The following CCDC14 variants were observed in gnomAD, a reference collection of about 807,000 sequenced individuals.
CCDC14 encodes the protein coiled-coil domain containing 14.
CCDC14 carries 71 observed loss-of-function variants against 81.4 expected under a neutral mutation model. The observed-to-expected ratio is 0.87, with a 90% confidence interval of 0.72 to 1.06. CCDC14 has a LOEUF of 1.06. Among genes scored for constraint, CCDC14 ranks in the 50% least tolerant of loss-of-function variants. CCDC14 has a pLI of 0.00. For synonymous variants in CCDC14, 332 were observed against 364.8 expected, an observed-to-expected ratio of 0.91 and a Z score of 1.03; for missense variants, 1,046 against 1,047.3, an observed-to-expected ratio of 1.00 and a Z score of 0.02.
intron 9 of CCDC14, among the ~76,000 whole-genome samples, chr3:123,941,001 C>T (rs2036319369): frequency 6.6e-6 from 1 of 152,044 alleles, no homozygotes; most frequent in Non-Finnish European, 1.5e-5. Context: ...TGAACATCAT[C>T]CTTGACTCCT....
intron 9 of CCDC14, among the ~76,000 whole-genome samples, chr3:123,942,797 C>G (rs1191774207): frequency 6.6e-6 from 1 of 152,006 alleles, no homozygotes; most frequent in East Asian, 1.9e-4. Flanking sequence ...CTGAAACATT[C>G]AAAGTTAAGA....
chr3:123,918,607 A>G (rs2034849681), intron 12 of CCDC14, among the ~76,000 whole-genome samples: 1 of 152,218 alleles, frequency 6.6e-6, no homozygotes. Flanking sequence ...TAAGTACCAC[A>G]CAGAGAGGAG....
intron 5 of CCDC14, among the ~76,000 whole-genome samples, chr3:123,952,414 A>AATGT (rs948987141): frequency 3.3e-5 from 5 of 152,206 alleles, no homozygotes; most frequent in African/African-American, 1.2e-4. Flanking sequence ...TGAAGACAGC[A>AATGT]ATGTATGTTA....
Position 123,913,848 on chromosome 3 carries a change from T to C in CCDC14, c.*931A>G. On this transcript the variant is annotated 3_prime_UTR_variant, in exon 13 of 13. Transcript: ENST00000409697. Reference sequence around the variant, plus strand: ...CAGCTTCCTAAGAGTTAAAACGTGCTGCTTACATGAAGGGAGATGATACTG... The same window carrying C: ...CAGCTTCCTAAGAGTTAAAACGTGCCGCTTACATGAAGGGAGATGATACTG... 2.0e-6 allele frequency: 2 copies of C among 985,368 alleles called. No homozygotes were observed. The highest frequency in any genetic ancestry group is 2.4e-6 in the Non-Finnish European group (2 of 829,904). 61.0% of individuals were successfully genotyped at this position (985,368 alleles called of 1,614,324 possible).
At chr3:123,897,482 G>T (rs546481523), downstream of CCDC14, 62 of 308,418 alleles carry the variant, frequency 2.0e-4, 1 homozygote, top group Middle Eastern at 2.0e-3. Context: ...GTTGAAGTGG[G>T]TGCTGGGGCC....
Position 123,949,066 on chromosome 3 carries a change from T to G in CCDC14, c.419A>C (p.Asp140Ala). The change falls in exon 6 of 13, where the codon GAC becomes GCC. Residue 140 changes from aspartate (D) to alanine (A), a missense_variant. Coordinates refer to ENST00000409697, the MANE Select transcript of CCDC14 (RefSeq NM_001366335.1). Reference sequence around the variant, plus strand: ...TTGCAATGACCAGTTTTGCTCTAGGTCTGATGTGTCTCTTTCACTTCTAGC... The same window carrying G: ...TTGCAATGACCAGTTTTGCTCTAGGGCTGATGTGTCTCTTTCACTTCTAGC... ...ASARSERDTS[D>A]LEQNWSLQDH... 1 of 1,613,184 alleles carries G rather than the reference T, an allele frequency of 6.2e-7. No homozygotes were observed. Among genetic ancestry groups the G allele is most frequent in the Non-Finnish European group, 8.5e-7 (1 of 1,179,448 alleles).
Position 123,947,260 on chromosome 3 carries a change from G to C in CCDC14, c.744C>G (p.Thr248=). The change falls in exon 8 of 13, where the codon ACC becomes ACG. Residue 248 remains threonine, a synonymous_variant. Coordinates refer to ENST00000409697, the MANE Select transcript of CCDC14 (RefSeq NM_001366335.1). ...FASQGKTVSA[T]CTDVLRNSFN... ...ATGAATTCCGTAGAACATCAGTACA[G>C]GTTGCAGAAACTGTTTTACCTTGTG... 1 of 1,613,752 alleles carries C rather than the reference G, an allele frequency of 6.2e-7. No homozygotes were observed. The highest frequency in any genetic ancestry group is 8.5e-7 in the Non-Finnish European group (1 of 1,179,762).
At chr3:123,938,791 G>T (rs1245919012) in intron 9 of CCDC14, among the ~76,000 whole-genome samples, 1 of 151,832 alleles carries the variant, frequency 6.6e-6, no homozygotes, top group Middle Eastern at 3.2e-3. Context: ...AGGATTACAT[G>T]ATTTTAATGG....
At chr3:123,948,239 CTTT>C (rs5852375) in intron 7 of CCDC14, among the ~76,000 whole-genome samples, 3 of 138,422 alleles carry the variant, frequency 2.2e-5, no homozygotes. Flanking sequence ...TCTTTCTTTT[CTTT>C]TTTTTTTTTT....
In CCDC14 at chr3:123,942,415, T is replaced by C. The variant is rs532703392; in HGVS notation, c.1343+2434A>G. 1.8e-3 allele frequency among the ~76,000 whole-genome samples: 269 copies of C among 152,176 alleles called. 1 individual carries two copies. Among genetic ancestry groups the C allele is most frequent in the Middle Eastern group, 0.01 (3 of 294 alleles). On this transcript the variant is annotated intron_variant, in intron 9 of 12. Transcript: ENST00000409697. ...ATTTATGCTGGTAATAGGAATTCCT[T>C]AGGTCAAGACTAAAGATGATATTAG...
At chr3:123,897,563 G>A (rs866161980) in exon 6 of CCDC14, 3 of 1,181,270 alleles carry the variant, frequency 2.5e-6, no homozygotes, top group Admixed American at 2.4e-5. Context: ...TACTGTATTG[G>A]GCTTTTGTGT....
At chr3:123,904,676 A>G (rs1463105309) in intron 5 of CCDC14, among the ~76,000 whole-genome samples, 1 of 151,720 alleles carries the variant, frequency 6.6e-6, no homozygotes, top group African/African-American at 2.4e-5. Context: ...TAAGGTACTT[A>G]GGAATAAATT....
intron 5 of CCDC14, among the ~76,000 whole-genome samples, chr3:123,906,631 A>G (rs894833959): frequency 6.6e-6 from 1 of 152,170 alleles, no homozygotes; most frequent in Non-Finnish European, 1.5e-5. Context: ...TCCCATACCC[A>G]TTAGAGTGAA....
chr3:123,959,582 T>C (rs554040154), intron 1 of CCDC14, among the ~76,000 whole-genome samples: 1 of 152,350 alleles, frequency 6.6e-6, no homozygotes, highest in South Asian at 2.1e-4. Flanking sequence ...GTAGATTGCC[T>C]TTTCACTCCA....
chr3:123,902,631 A>T (rs1162328978), intron 5 of CCDC14, among the ~76,000 whole-genome samples: 1 of 152,198 alleles, frequency 6.6e-6, no homozygotes, highest in Non-Finnish European at 1.5e-5. Context: ...AATTGTATGG[A>T]GGAAAAAGAA....
intron 12 of CCDC14, among the ~76,000 whole-genome samples, chr3:123,916,385 G>C (rs1229158838): frequency 2.0e-5 from 3 of 151,804 alleles, no homozygotes; most frequent in Non-Finnish European, 4.4e-5. Flanking sequence ...GCCTCACAAA[G>C]GTAGGCTAAG....
intron 8 of CCDC14, 49 bp downstream of exon 8, chr3:123,946,754 T>C (rs748667342): frequency 2.0e-6 from 3 of 1,498,910 alleles, no homozygotes; most frequent in Admixed American, 2.1e-5. Context: ...AACATGACAT[T>C]GCTATTTAGT....
chr3:123,885,942 A>T, the CCDC14 span, among the ~76,000 whole-genome samples: 1 of 152,032 alleles, frequency 6.6e-6, no homozygotes, highest in Non-Finnish European at 1.5e-5. Flanking sequence ...GCTTTTTTTT[A>T]AAAAAATTAC....
chr3:123,915,137 G>T lies in CCDC14; in HGVS notation c.2360C>A (p.Thr787Lys). Reference protein sequence around the residue: ...LCTPVICSSSTKEAEDAPEKL... With the variant: ...LCTPVICSSSKKEAEDAPEKL... ...TTCAGGTGCATCTTCTGCTTCCTTT[G>T]TTGAAGAGGAACAGATTACAGGTGT... Residue 787 changes from threonine (T) to lysine (K), a missense_variant, in exon 13 of 13, where the codon ACA (threonine) becomes AAA (lysine). Transcript: ENST00000409697. The T allele has an allele frequency of 6.2e-7, 1 of 1,613,810 alleles. No individual in the cohort carries two copies. Among genetic ancestry groups the T allele is most frequent in the Non-Finnish European group, 8.5e-7 (1 of 1,179,780 alleles).
Sources: allele counts gnomAD v4.1 joint callset (sites outside exome capture counted in the v4.1 genomes callset), GRCh38; gene constraint gnomAD v4.1.1; transcripts MANE v1.5; gene names NCBI Gene and HGNC (gene_info 2026-07-23, HGNC 2026-07-21).